The following ENTPD5 variants were observed in gnomAD, a reference collection of about 807,000 sequenced individuals.
ENTPD5 encodes ectonucleoside triphosphate diphosphohydrolase 5 (inactive).
A neutral mutation model predicts 60.2 loss-of-function variants in ENTPD5; 49 were observed. The observed-to-expected ratio is 0.81, with a 90% CI of 0.65 to 1.03. ENTPD5 has a LOEUF of 1.03. Ranked by LOEUF, ENTPD5 falls within the 50% of genes least tolerant of loss-of-function variation. The pLI, the probability that ENTPD5 is intolerant of heterozygous loss-of-function variation, is 0.00. For missense variants in ENTPD5, 480 were observed against 507.6 expected, an observed-to-expected ratio of 0.95 and a Z score of 0.52; for synonymous variants, 187 against 185.4, an observed-to-expected ratio of 1.01 and a Z score of -0.07.
intron 3 of ENTPD5, among the ~76,000 whole-genome samples, chr14:74,000,414 C>T (rs1458507565): frequency 6.6e-6 from 1 of 151,438 alleles, no homozygotes; most frequent in African/African-American, 2.4e-5. Flanking sequence ...GAGTTGAGAT[C>T]GCACCACTGT....
At position 73,963,232 on chromosome 14, in the gene ENTPD5, T is replaced by G; in HGVS notation, c.*3696A>C. 1 of 577,322 alleles carries G rather than the reference T, an allele frequency of 1.7e-6. No homozygotes were observed. The highest frequency in any genetic ancestry group is 3.1e-6 in the Non-Finnish European group (1 of 325,500). The allele number at this position is 577,322 out of a possible 1,614,324, so 35.8% of individuals were successfully genotyped here. ...AAACTTCGAAGGAAGACTTACAATT[T>G]GGTTGAAAAGAGCTTTTTATTACTA... On this transcript the variant is annotated 3_prime_UTR_variant, in exon 16 of 16. Coordinates refer to ENST00000334696, the MANE Select transcript of ENTPD5 (RefSeq NM_001249.5).
At chr14:74,003,556 G>T in intron 3 of ENTPD5, 1 of 698,086 alleles carries the variant, frequency 1.4e-6, no homozygotes, top group Non-Finnish European at 2.5e-6. Flanking sequence ...TACAAGTTGT[G>T]GGACTGCATG....
At chr14:73,975,891 A>G in intron 10 of ENTPD5, 45 bp downstream of exon 10, 1 of 1,446,718 alleles carries the variant, frequency 6.9e-7, no homozygotes, top group South Asian at 1.2e-5. Context: ...AAGTTAGGAG[A>G]ATCATACAAC....
In ENTPD5 at chr14:73,993,152, C is replaced by T. The variant is rs867476767; in HGVS notation, c.-70-4980G>A. ...AGGAGTTCGAGACCAGCTTGGGCAA[C>T]ATGATGAAACCCCATCTCTACCAAA... On this transcript the variant is annotated intron_variant, in intron 3 of 15. Transcript: ENST00000334696. Among the ~76,000 whole-genome samples, 3 of 152,150 alleles carry T rather than the reference C, an allele frequency of 2.0e-5. No individual in the cohort carries two copies. The South Asian group carries it at 6.2e-4, about 32-fold the overall frequency.
intron 15 of ENTPD5, among the ~76,000 whole-genome samples, chr14:73,968,310 TC>T (rs1351777574): frequency 6.6e-6 from 1 of 152,202 alleles, no homozygotes; most frequent in Admixed American, 6.6e-5. Context: ...TTTAGGGGTT[TC>T]TTAGAAATGC....
chr14:74,001,844 C>T (rs961429109), intron 3 of ENTPD5, among the ~76,000 whole-genome samples: 2 of 151,848 alleles, frequency 1.3e-5, no homozygotes, highest in African/African-American at 4.8e-5. Context: ...CAGAGTGAGA[C>T]CCTGTCTCAA....
intron 3 of ENTPD5, among the ~76,000 whole-genome samples, chr14:73,998,151 T>C (rs2058394696): frequency 6.6e-6 from 1 of 152,080 alleles, no homozygotes; most frequent in Admixed American, 6.5e-5. Flanking sequence ...ACTGACAAAC[T>C]GCGTCTGCCA....
At chr14:74,013,220 A>C (rs1485326695) in intron 2 of ENTPD5, among the ~76,000 whole-genome samples, 1 of 152,184 alleles carries the variant, frequency 6.6e-6, no homozygotes, top group African/African-American at 2.4e-5. Flanking sequence ...CCAATGCTAG[A>C]GTTAAACTAC....
At chr14:73,978,129 G>C (rs2057521363) in intron 6 of ENTPD5, among the ~76,000 whole-genome samples, 1 of 152,154 alleles carries the variant, frequency 6.6e-6, no homozygotes, top group African/African-American at 2.4e-5. Context: ...GGAAAAACCA[G>C]TTAAGTTATA....
downstream of ENTPD5, among the ~76,000 whole-genome samples, chr14:73,962,379 A>G (rs375851747): frequency 2.6e-5 from 4 of 152,088 alleles, no homozygotes; most frequent in East Asian, 7.7e-4. Context: ...TCTAAGCAAT[A>G]ACTATGTATA....
At chr14:74,008,375 A>T (rs2058743505) in intron 3 of ENTPD5, among the ~76,000 whole-genome samples, 1 of 150,448 alleles carries the variant, frequency 6.6e-6, no homozygotes, top group Non-Finnish European at 1.5e-5. Context: ...ATTTTTTATT[A>T]TTTATTTTTT....
intron 8 of ENTPD5, 21 bp from the exon 9 acceptor site, chr14:73,976,433 C>G: frequency 1.2e-6 from 2 of 1,603,098 alleles, no homozygotes; most frequent in Middle Eastern, 1.7e-4. Flanking sequence ...AGAGCCAGCT[C>G]TAAATAGCCT....
At chr14:73,956,083 T>C, downstream of ENTPD5, 4 of 1,062,468 alleles carry the variant, frequency 3.8e-6, no homozygotes, top group Non-Finnish European at 5.6e-6. Context: ...CCAGCACTTT[T>C]GGAGGCTAAG....
chr14:73,992,099 G>C (rs959125679), intron 3 of ENTPD5, among the ~76,000 whole-genome samples: 1 of 151,794 alleles, frequency 6.6e-6, no homozygotes, highest in Non-Finnish European at 1.5e-5. Context: ...GAATAATGCC[G>C]TATCTATCCT....
intron 15 of ENTPD5, among the ~76,000 whole-genome samples, chr14:73,967,230 C>G (rs1025990883): frequency 1.2e-4 from 18 of 152,254 alleles, no homozygotes; most frequent in Admixed American, 3.3e-4. Flanking sequence ...ATTCTCATAT[C>G]TGAACTGAAT....
chr14:73,961,262 G>A (rs372375956), downstream of ENTPD5: 63 of 1,614,012 alleles, frequency 3.9e-5, no homozygotes, highest in Middle Eastern at 1.6e-4. Flanking sequence ...CTAAGGTCTC[G>A]GCTCGCCAGC....
chr14:74,005,364 C>CAAAAAAAAAAAAA lies in ENTPD5; in HGVS notation c.-71+5726_-71+5727insTTTTTTTTTTTTT, dbSNP rs35560902. ...TGGGTGAGAGAGCAAGACTCGGTCTCAAAAAAAAAGAAAAGAAATATAGGC... is the reference window on the plus strand; with the variant it reads ...TGGGTGAGAGAGCAAGACTCGGTCTCAAAAAAAAAAAAAAAAAAAAAAGAAAAGAAATATAGGC... On this transcript the variant is annotated intron_variant, in intron 3 of 15. Coordinates refer to ENST00000334696, the MANE Select transcript of ENTPD5 (RefSeq NM_001249.5). Among the ~76,000 whole-genome samples the CAAAAAAAAAAAAA allele has an allele frequency of 7.7e-4, 90 of 117,106 alleles. 6 individuals carry two copies. Among genetic ancestry groups the CAAAAAAAAAAAAA allele is most frequent in the East Asian group, 5.7e-3 (17 of 2,962 alleles). 76.8% of individuals were successfully genotyped at this position (117,106 alleles called of 152,430 possible).
chr14:73,962,837 G>A (rs912914127), downstream of ENTPD5: 5 of 731,924 alleles, frequency 6.8e-6, no homozygotes, highest in South Asian at 1.6e-5. Flanking sequence ...GTATATGTAT[G>A]TATATTTTTC....
chr14:73,986,069 C>CAAAAA (rs534512335), intron 5 of ENTPD5, among the ~76,000 whole-genome samples: 2 of 79,282 alleles, frequency 2.5e-5, no homozygotes, highest in Non-Finnish European at 5.4e-5. Context: ...GATACTCCGT[C>CAAAAA]AAAAAAAAAA....
Sources: allele counts gnomAD v4.1 joint callset (sites outside exome capture counted in the v4.1 genomes callset), GRCh38; gene constraint gnomAD v4.1.1; transcripts MANE v1.5; gene names NCBI Gene and HGNC (gene_info 2026-07-23, HGNC 2026-07-21).